FANCA: variants seen among roughly 807,000 people sequenced by gnomAD.
The protein encoded by FANCA is FA complementation group A, also known as Fanconi anemia group A protein.
A neutral mutation model predicts 194.3 loss-of-function variants in FANCA; 236 were observed. The ratio of observed to expected loss-of-function variants is 1.21; its 90% CI spans 1.09 to 1.35. FANCA has a LOEUF of 1.35. FANCA is among the 40% of genes most tolerant of loss of function. The pLI is 0.00. For missense variants in FANCA, 2,628 were observed against 1,813.9 expected (o/e 1.45, Z -8.15); for synonymous variants, 1,014 against 715.8 (o/e 1.42, Z -6.65).
chr16:89,758,560 C>A lies in FANCA; in HGVS notation c.2981+17G>T. On this transcript the variant is annotated intron_variant, in intron 30 of 42. Transcript: ENST00000389301. ...CCTGTCCCTCCAGAGAACCCTAATACAGTGTGTGCTGCTAACCTTTGGTGG... is the reference window on the plus strand; with the variant it reads ...CCTGTCCCTCCAGAGAACCCTAATAAAGTGTGTGCTGCTAACCTTTGGTGG... 6.2e-7 allele frequency: 1 copy of A among 1,612,612 alleles called. No individual in the cohort carries two copies. Among genetic ancestry groups the A allele is most frequent in the South Asian group, 1.1e-5 (1 of 91,036 alleles).
intron 28 of FANCA, chr16:89,762,714 A>C (rs1598098049): frequency 2.2e-6 from 1 of 445,900 alleles, no homozygotes; most frequent in Non-Finnish European, 4.5e-6. Context: ...CTCGCTGCAG[A>C]CTCTGCCTCC....
intron 30 of FANCA, among the ~76,000 whole-genome samples, chr16:89,758,371 G>A (rs2038832212): frequency 6.6e-6 from 1 of 152,184 alleles, no homozygotes; most frequent in Non-Finnish European, 1.5e-5. Context: ...GTGTCAACGT[G>A]ACTGGACTGA....
intron 40 of FANCA, 43 bp from the exon 41 acceptor site, chr16:89,739,332 A>G: frequency 6.2e-7 from 1 of 1,612,222 alleles, no homozygotes; most frequent in Non-Finnish European, 8.5e-7. Flanking sequence ...AGACTGCTGG[A>G]AAGGTAGCAG....
In FANCA at chr16:89,739,528, G is replaced by A. The variant is rs541385700; in HGVS notation, c.3960C>T (p.Leu1320=). 2.7e-5 allele frequency: 42 copies of A among 1,551,280 alleles called. No homozygotes were observed. The South Asian group carries it at 4.5e-4, about 17-fold the overall frequency. The change falls in exon 40 of 43, where the codon CTC becomes CTT. Residue 1320 remains leucine, a synonymous_variant. Transcript: ENST00000389301. ...TGGTGTGCTGATCCGGGGCCACACG[G>A]AGGAGGAGCCGCCCCAGCCTGAGGT... ...ESDLRLGRLL[L]RVAPDQHTRL...
At chr16:89,786,858 A>C (rs975582780) in intron 14 of FANCA, among the ~76,000 whole-genome samples, 27 of 152,062 alleles carry the variant, frequency 1.8e-4, no homozygotes, top group Admixed American at 1.8e-3. Flanking sequence ...AAACATCAGC[A>C]CCCAGTTTCA....
In FANCA at chr16:89,771,714, G is replaced by A. The variant is rs1158246204; in HGVS notation, c.2115C>T (p.Ser705=). Residue 705 remains serine, a synonymous_variant, in exon 23 of 43, where the codon AGC becomes AGT. Coordinates refer to ENST00000389301, the MANE Select transcript of FANCA (RefSeq NM_000135.4). ...SSVEISKIQL[S]INTPRLEPRE... is the part of the protein sequence containing the mutation. Reference sequence around the variant, plus strand: ...GTGGCTCCAGTCTCGGCGTGTTGATGCTGAGCTGAATCTTTGATATCTCAA... The same window carrying A: ...GTGGCTCCAGTCTCGGCGTGTTGATACTGAGCTGAATCTTTGATATCTCAA... 2 of 1,614,044 alleles carry A rather than the reference G, an allele frequency of 1.2e-6. No individual in the cohort carries two copies. Among genetic ancestry groups the A allele is most frequent in the East Asian group, 2.2e-5 (1 of 44,898 alleles).
chr16:89,812,641 C>T (rs144800593), intron 3 of FANCA, among the ~76,000 whole-genome samples: 1,876 of 65,836 alleles, frequency 0.028, 34 homozygotes, highest in Non-Finnish European at 0.039. Flanking sequence ...AGCAATACTC[C>T]GTCTCAAAAA....
intron 29 of FANCA, among the ~76,000 whole-genome samples, chr16:89,761,261 TACA>T (rs2038942330): frequency 6.6e-6 from 1 of 151,540 alleles, no homozygotes; most frequent in African/African-American, 2.4e-5. Flanking sequence ...CTACCAAAAA[TACA>T]AAAAATTAGC....
chr16:89,800,861 T>G (rs1465556927), intron 8 of FANCA, among the ~76,000 whole-genome samples: 7 of 151,902 alleles, frequency 4.6e-5, no homozygotes, highest in Non-Finnish European at 8.8e-5. Context: ...TGAAACCCTG[T>G]CTCTACTAAA....
intron 28 of FANCA, 191 bp downstream of exon 28, chr16:89,764,696 TGAG>T: frequency 1.4e-6 from 1 of 711,430 alleles, no homozygotes. Flanking sequence ...TTCTTGCCTC[TGAG>T]GAGACAGTCG....
rs756514805 is a variant in FANCA at position 89,737,944 on chromosome 16, C to T, written c.*657G>A. On this transcript the variant is annotated 3_prime_UTR_variant, in exon 43 of 43. Coordinates refer to ENST00000389301, the MANE Select transcript of FANCA (RefSeq NM_000135.4). ...AGGACCCCCTCCCAGGGCTGTGGCC[C>T]TCGCACCTTCTTATCTGCCTCTGTC... 1.3e-5 allele frequency: 21 copies of T among 1,613,830 alleles called. No individual in the cohort carries two copies. The highest frequency in any genetic ancestry group is 1.0e-4 in the Admixed American group (6 of 59,980).
chr16:89,800,865 T>C (rs996695525), intron 8 of FANCA, among the ~76,000 whole-genome samples: 18 of 151,860 alleles, frequency 1.2e-4, no homozygotes, highest in African/African-American at 3.9e-4. Context: ...ACCCTGTCTC[T>C]ACTAAAAATA....
At chr16:89,797,410 G>C (rs963236674) in intron 10 of FANCA, among the ~76,000 whole-genome samples, 1 of 152,162 alleles carries the variant, frequency 6.6e-6, no homozygotes, top group Non-Finnish European at 1.5e-5. Flanking sequence ...CACCCAACGA[G>C]GCCACGTCGG....
rs1321762542 is a variant in FANCA at position 89,739,419 on chromosome 16, C to T, written c.4010+59G>A. The T allele has an allele frequency of 5.1e-6, 8 of 1,555,908 alleles. No individual in the cohort carries two copies. In the African/African-American group the frequency reaches 5.4e-5, roughly 11 times the overall value. ...TCCCATCTGGCGGGACCCAGAGGTG[C>T]TGAGATGGGGGTCTGGGAAACACTG... On this transcript the variant is annotated intron_variant, in intron 40 of 42. Coordinates refer to ENST00000389301, the MANE Select transcript of FANCA (RefSeq NM_000135.4).
intron 36 of FANCA, chr16:89,744,720 G>T: frequency 3.6e-6 from 2 of 559,022 alleles, no homozygotes; most frequent in Non-Finnish European, 3.3e-6. Flanking sequence ...CCGTTGGAGT[G>T]ATCTCGGCTC....
chr16:89,750,008 G>A lies in FANCA; in HGVS notation c.3067-106C>T. ...AGGGAGAGGTCTCCACAGTGGACAG[G>A]GCAAGAAGGAACAAGTGGGGCAAGC... On this transcript the variant is annotated intron_variant, in intron 31 of 42. Coordinates refer to ENST00000389301, the MANE Select transcript of FANCA (RefSeq NM_000135.4). The A allele has an allele frequency of 5.1e-6, 6 of 1,171,186 alleles. No individual in the cohort carries two copies. The South Asian group carries it at 7.4e-5, about 14-fold the overall frequency. The allele number at this position is 1,171,186 out of a possible 1,614,324, so 72.5% of individuals were successfully genotyped here. A position where few individuals can be genotyped will look rare whatever the true frequency, so the allele number is the denominator to read the frequency against.
At chr16:89,791,623 CAGA>C (rs1304084718) in intron 13 of FANCA, 87 bp from the exon 14 acceptor site, 9 of 1,560,422 alleles carry the variant, frequency 5.8e-6, no homozygotes, top group Non-Finnish European at 7.8e-6. Flanking sequence ...TCAAGTATTC[CAGA>C]AGGAGACTGT....
At chr16:89,814,965 A>G (rs1408522798) in intron 2 of FANCA, among the ~76,000 whole-genome samples, 2 of 152,186 alleles carry the variant, frequency 1.3e-5, no homozygotes, top group African/African-American at 2.4e-5. Flanking sequence ...AAAATAAAAA[A>G]TAAAAATAAA....
intron 35 of FANCA, among the ~76,000 whole-genome samples, chr16:89,745,458 TG>T (rs1458152926): frequency 6.9e-6 from 1 of 143,960 alleles, no homozygotes; most frequent in African/African-American, 2.7e-5. Context: ...TCCTCTGAGC[TG>T]GGAACAAAAC....
Sources: allele counts gnomAD v4.1 joint callset (sites outside exome capture counted in the v4.1 genomes callset), GRCh38; gene constraint gnomAD v4.1.1; transcripts MANE v1.5; gene names NCBI Gene and HGNC (gene_info 2026-07-23, HGNC 2026-07-21).